The following MST1R variants were observed in gnomAD, a reference collection of about 807,000 sequenced individuals.
MST1R encodes the protein macrophage stimulating 1 receptor.
MST1R carries 99 observed loss-of-function variants against 117.8 expected under a neutral mutation model. The observed-to-expected ratio is 0.84, with a 90% CI of 0.71 to 0.99. MST1R has a LOEUF of 0.99. Ranked by LOEUF, MST1R falls within the 50% of genes least tolerant of loss-of-function variation. The pLI is 0.00. For synonymous variants in MST1R, 734 were observed against 765.3 expected, an observed-to-expected ratio of 0.96 and a Z score of 0.68; for missense variants, 1,683 against 1,840.2, an observed-to-expected ratio of 0.91 and a Z score of 1.56.
chr3:49,896,480 T>C, intron 9 of MST1R, 60 bp downstream of exon 9: 1 of 1,607,390 alleles, frequency 6.2e-7, no homozygotes. Context: ...CAGCACGAGG[T>C]TGGGCTGCAG....
Position 49,895,202 on chromosome 3 carries a change from C to CGGGT in MST1R, c.3235_3236insACCC (p.Arg1079HisfsTer8). 1 of 1,614,170 alleles carries CGGGT rather than the reference C, an allele frequency of 6.2e-7. No individual in the cohort carries two copies. The highest frequency in any genetic ancestry group is 8.5e-7 in the Non-Finnish European group (1 of 1,180,044). ...GACTCGGTCACTGTGGGTGACCACC[C>CGGGT]GCTCATGGGGAATCAGCACATCCTT... On this transcript the variant is annotated frameshift_variant, in exon 14 of 20. Transcript: ENST00000296474. LOFTEE classifies it high-confidence loss of function.
Position 49,898,134 on chromosome 3 carries a change from A to G in MST1R, c.1797T>C (p.Ser599=). 6.2e-7 allele frequency: 1 copy of G among 1,614,094 alleles called. No homozygotes were observed. Among genetic ancestry groups the G allele is most frequent in the Non-Finnish European group, 8.5e-7 (1 of 1,180,024 alleles). Residue 599 remains serine, a synonymous_variant, in exon 5 of 20, where the codon TCT becomes TCC. Coordinates refer to ENST00000296474, the MANE Select transcript of MST1R (RefSeq NM_002447.4). ...GATGGGTTCCCTCAGGCACCAGACC[A>G]GAAGGGTGAAGGTAGAAGTTGGAGC... is the stretch of plus-strand genomic sequence containing the variant. ...LCGSNFYLHP[S]GLVPEGTHQV...
intron 17 of MST1R, among the ~76,000 whole-genome samples, chr3:49,890,886 T>C (rs1166948468): frequency 1.3e-5 from 2 of 152,154 alleles, no homozygotes; most frequent in Non-Finnish European, 2.9e-5. Context: ...CCACCACGCC[T>C]GGCTAATCTT....
Position 49,903,284 on chromosome 3 carries a change from G to A in MST1R, c.326C>T (p.Pro109Leu). The change falls in exon 1 of 20, where the codon CCA becomes CTA. Residue 109 changes from proline (P) to leucine (L), a missense_variant. Pro to Leu is a moderately conservative substitution (Grantham distance 98). Transcript: ENST00000296474. ...PGCQTCAACGPGPHGPPGDTD... is the reference protein window; with the variant it reads ...PGCQTCAACGLGPHGPPGDTD... ...GTCACCGGGAGGGCCGTGGGGTCCT[G>A]GGCCACAGGCTGCACACGTCTGGCA... 1 of 1,611,430 alleles carries A rather than the reference G, an allele frequency of 6.2e-7. No individual in the cohort carries two copies. Among genetic ancestry groups the A allele is most frequent in the Non-Finnish European group, 8.5e-7 (1 of 1,179,950 alleles).
In MST1R at chr3:49,891,265, T is replaced by G. The variant is rs2082307052; in HGVS notation, c.3576A>C (p.Val1192=). ...CTGCCAGGTACTCCATGCCGCGGGC[T>G]ACCTGCAGGCCAAAGCTGATGAGGT... The part of the protein sequence containing the change: ...VKDLISFGLQ[V]ARGMEYLAEQ... The change falls in exon 17 of 20, where the codon GTA becomes GTC. Residue 1192 remains valine, a synonymous_variant. Transcript: ENST00000296474. 1.2e-6 allele frequency: 2 copies of G among 1,614,032 alleles called. No individual in the cohort carries two copies. The highest frequency in any genetic ancestry group is 2.7e-5 in the African/African-American group (2 of 74,938).
At chr3:49,890,895 T>C (rs1306105887) in intron 17 of MST1R, among the ~76,000 whole-genome samples, 1 of 152,104 alleles carries the variant, frequency 6.6e-6, no homozygotes, top group South Asian at 2.1e-4. Flanking sequence ...CTGGCTAATC[T>C]TTTTGTATTT....
At chr3:49,888,005 C>T (rs2082211799) in intron 19 of MST1R, among the ~76,000 whole-genome samples, 1 of 152,216 alleles carries the variant, frequency 6.6e-6, no homozygotes, top group Non-Finnish European at 1.5e-5. Flanking sequence ...ATTAAAAATC[C>T]TGAAGTGGCC....
Position 49,891,510 on chromosome 3 carries a change from C to T in MST1R, c.3423G>A (p.Pro1141=), listed in dbSNP as rs138521247. The change falls in exon 16 of 20, where the codon CCG becomes CCA. Residue 1141 remains proline (P), a synonymous_variant. Transcript: ENST00000296474. ...EGLLMRGLNH[P]NVLALIGIML... ...TGATACCAATGAGAGCCAGCACATT[C>T]GGGTGGTTCAGGCCACGCATGAGCA... 138 of 1,613,994 alleles carry T rather than the reference C, an allele frequency of 8.6e-5. No homozygotes were observed. The highest frequency in any genetic ancestry group is 1.1e-4 in the Non-Finnish European group (129 of 1,180,040).
chr3:49,897,669 C>A lies in MST1R; in HGVS notation c.1897G>T (p.Asp633Tyr). Reference sequence around the variant, plus strand: ...TCACACTCAAACTCCTCTACAAAGTCTTTCCGGGGCACTGGTCTGGGGCAC... The same window carrying A: ...TCACACTCAAACTCCTCTACAAAGTATTTCCGGGGCACTGGTCTGGGGCAC... Reference protein sequence around the residue: ...SSKLRPVPRKDFVEEFECELE... With the variant: ...SSKLRPVPRKYFVEEFECELE... Residue 633 changes from aspartate to tyrosine, a missense_variant, in exon 6 of 20, where the codon GAC becomes TAC. Coordinates refer to ENST00000296474, the MANE Select transcript of MST1R (RefSeq NM_002447.4). The A allele has an allele frequency of 6.2e-7, 1 of 1,612,970 alleles. No homozygotes were observed. Among genetic ancestry groups the A allele is most frequent in the Non-Finnish European group, 8.5e-7 (1 of 1,179,378 alleles).
intron 1 of MST1R, 70 bp downstream of exon 1, chr3:49,902,310 G>T: frequency 1.3e-6 from 2 of 1,529,228 alleles, no homozygotes; most frequent in Non-Finnish European, 1.8e-6. Context: ...CCTCAGTGAT[G>T]GAAGGGAAGC....
intron 1 of MST1R, 198 bp from the exon 2 acceptor site, chr3:49,899,461 A>T: frequency 1.9e-6 from 1 of 539,640 alleles, no homozygotes; most frequent in Non-Finnish European, 3.3e-6. Context: ...GAGAAGGCCC[A>T]GGCTGGAAGG....
chr3:49,889,439 G>A (rs2082249982), intron 19 of MST1R, among the ~76,000 whole-genome samples: 1 of 152,126 alleles, frequency 6.6e-6, no homozygotes, highest in Admixed American at 6.6e-5. Context: ...CACCTGCTAC[G>A]TATGAAGCTG....
Position 49,903,744 on chromosome 3 carries a change from A to C in MST1R, c.-135T>G, listed in dbSNP as rs557671226. ...GGTCCCGACAGCCCCAAGATAGCGG[A>C]CCCCCGCCCCAGGTTCCTGTGAAAC... On this transcript the variant is annotated 5_prime_UTR_variant, in exon 1 of 20. Coordinates refer to ENST00000296474, the MANE Select transcript of MST1R (RefSeq NM_002447.4). The C allele has an allele frequency of 1.6e-6, 2 of 1,235,948 alleles. No individual in the cohort carries two copies. Among genetic ancestry groups the C allele is most frequent in the South Asian group, 1.6e-5 (1 of 62,940 alleles). 76.6% of individuals were successfully genotyped at this position (1,235,948 alleles called of 1,614,324 possible). A position where few individuals can be genotyped will look rare whatever the true frequency, so the allele number is the denominator to read the frequency against.
At chr3:49,894,255 T>C (rs1575432705) in intron 14 of MST1R, among the ~76,000 whole-genome samples, 2 of 140,572 alleles carry the variant, frequency 1.4e-5, no homozygotes, top group African/African-American at 5.2e-5. Context: ...AAAATAAAAA[T>C]AAAATAAAAT....
chr3:49,903,036 C>T lies in MST1R; in HGVS notation c.574G>A (p.Gly192Ser), dbSNP rs894334058. Residue 192 changes from glycine to serine, a missense_variant, in exon 1 of 20, where the codon GGC becomes AGC. By Grantham distance (56) the Gly-to-Ser change is moderately conservative (BLOSUM62 0). Transcript: ENST00000296474. The stretch of plus-strand genomic sequence containing the variant: ...GCCACGTAGAAATAGGAGGCCTGGC[C>T]TTGCTCAACCACAGTTACACGGGTG... ...LGTRVTVVEQGQASYFYVASS... is the reference protein window; with the variant it reads ...LGTRVTVVEQSQASYFYVASS... 33 of 1,612,010 alleles carry T rather than the reference C, an allele frequency of 2.0e-5. No homozygotes were observed. The highest frequency in any genetic ancestry group is 2.5e-5 in the Non-Finnish European group (30 of 1,180,042).
rs764055860 is a variant in MST1R at position 49,891,319 on chromosome 3, G to A, written c.3535-13C>T. ...TCACGGTGGGGTTCTGGGGGCACAG[G>A]TGGGTTGGTGGGCAAGGGCACAGCA... On this transcript the variant is annotated splice_polypyrimidine_tract_variant and intron_variant, in intron 16 of 19. Coordinates refer to ENST00000296474, the MANE Select transcript of MST1R (RefSeq NM_002447.4). 1.1e-5 allele frequency: 17 copies of A among 1,614,094 alleles called. No individual in the cohort carries two copies. The highest frequency in any genetic ancestry group is 1.4e-5 in the Non-Finnish European group (16 of 1,179,978).
chr3:49,891,258 C>G lies in MST1R; in HGVS notation c.3583G>C (p.Gly1195Arg), dbSNP rs7433231. The change falls in exon 17 of 20, where the codon GGC (glycine) becomes CGC (arginine). Residue 1195 changes from glycine to arginine, a missense_variant. By Grantham distance (125) the Gly-to-Arg change is moderately radical. Coordinates refer to ENST00000296474, the MANE Select transcript of MST1R (RefSeq NM_002447.4). ...TTCTGCTCTGCCAGGTACTCCATGC[C>G]GCGGGCTACCTGCAGGCCAAAGCTG... The part of the protein sequence containing the change: ...LISFGLQVAR[G>R]MEYLAEQKFV... The G allele has an allele frequency of 5.0e-6, 8 of 1,614,140 alleles. No individual in the cohort carries two copies. The highest frequency in any genetic ancestry group is 2.2e-5 in the East Asian group (1 of 44,888).
intron 14 of MST1R, among the ~76,000 whole-genome samples, chr3:49,892,528 C>G (rs527776230): frequency 6.6e-6 from 1 of 151,468 alleles, no homozygotes; most frequent in Non-Finnish European, 1.5e-5. Flanking sequence ...CTCCATCCCC[C>G]TCAAAGAAAA....
rs1350606196 is a variant in MST1R at position 49,896,086 on chromosome 3, C to A, written c.2671G>T (p.Ala891Ser). ...GTCACGTTGATACCCACACAGTCAG[C>A]CACAGCGCCCAGCCCAATATACTGC... ...KFEYIGLGAVADCVGINVTVG... is the reference protein window; with the variant it reads ...KFEYIGLGAVSDCVGINVTVG... Residue 891 changes from alanine (A) to serine (S), a missense_variant, in exon 11 of 20, where the codon GCT (alanine) becomes TCT (serine). Coordinates refer to ENST00000296474, the MANE Select transcript of MST1R (RefSeq NM_002447.4). The A allele has an allele frequency of 6.2e-7, 1 of 1,611,814 alleles. No homozygotes were observed. Among genetic ancestry groups the A allele is most frequent in the African/African-American group, 1.3e-5 (1 of 74,890 alleles).
Sources: gnomAD v4.1 joint callset for allele counts (sites outside exome capture counted in the v4.1 genomes callset) on GRCh38, gnomAD v4.1.1 for gene constraint, MANE v1.5 for transcripts, NCBI Gene and HGNC (gene_info 2026-07-23, HGNC 2026-07-21) for gene names.